Variants in COL5A2 observed in about 807,000 individuals in gnomAD.
COL5A2 encodes collagen type V alpha 2 chain, also known as collagen alpha-2(V) chain.
A neutral mutation model predicts 208.2 loss-of-function variants in COL5A2; 23 were observed. The observed-to-expected ratio is 0.11, with a 90% CI of 0.08 to 0.16. COL5A2 has a LOEUF of 0.16. COL5A2 is among the 10% of genes least tolerant of loss of function. The probability of loss-of-function intolerance (pLI) is 1.00; values close to 1 mark genes in which losing one functional copy is unlikely to be tolerated. For synonymous variants in COL5A2, 625 were observed against 628.5 expected (o/e 0.99, Z 0.08); for missense variants, 1,590 against 1,956.4 (o/e 0.81, Z 3.53).
At chr2:189,436,977 T>G in the COL5A2 span, among the ~76,000 whole-genome samples, 2 of 151,878 alleles carry the variant, frequency 1.3e-5, no homozygotes, top group African/African-American at 4.8e-5. Context: ...ATAACAAACC[T>G]GCACATCCTG....
the COL5A2 span, among the ~76,000 whole-genome samples, chr2:189,304,313 G>T: frequency 6.6e-6 from 1 of 152,056 alleles, no homozygotes; most frequent in Non-Finnish European, 1.5e-5. Flanking sequence ...GCTAAGATTA[G>T]CAGCACAATA....
chr2:189,070,087 T>C (rs1032381726), intron 18 of COL5A2, among the ~76,000 whole-genome samples: 4 of 152,204 alleles, frequency 2.6e-5, no homozygotes, highest in Non-Finnish European at 5.9e-5. Flanking sequence ...AAATGCCTAG[T>C]TGAGTTTTCA....
intron 1 of COL5A2, among the ~76,000 whole-genome samples, chr2:189,127,929 C>T (rs1289123642): frequency 1.3e-5 from 2 of 151,946 alleles, no homozygotes; most frequent in African/African-American, 4.8e-5. Context: ...CACAAAACGC[C>T]CTGAGGTCAA....
At chr2:189,041,793 T>C in intron 49 of COL5A2, 100 bp from the exon 50 acceptor site, 1 of 734,294 alleles carries the variant, frequency 1.4e-6, no homozygotes, top group East Asian at 2.6e-5. Flanking sequence ...GCTGTAACAG[T>C]GATTTCTAAG....
the COL5A2 span, among the ~76,000 whole-genome samples, chr2:189,271,942 A>C: frequency 2.2e-4 from 34 of 152,362 alleles, no homozygotes; most frequent in African/African-American, 7.2e-4. Flanking sequence ...GAGAAACGCA[A>C]ATCAAAACCA....
At chr2:189,365,417 T>C in the COL5A2 span, among the ~76,000 whole-genome samples, 1 of 152,336 alleles carries the variant, frequency 6.6e-6, no homozygotes, top group East Asian at 1.9e-4. Flanking sequence ...ACCTGGATTG[T>C]CTTCCTAAAT....
intron 1 of COL5A2, among the ~76,000 whole-genome samples, chr2:189,222,167 A>G (rs761722688): frequency 3.3e-5 from 5 of 152,184 alleles, no homozygotes; most frequent in Admixed American, 3.3e-4. Context: ...TTAGTAGGGT[A>G]AATTAGTCTA....
the COL5A2 span, among the ~76,000 whole-genome samples, chr2:189,397,646 C>T: frequency 6.6e-6 from 1 of 151,908 alleles, no homozygotes; most frequent in Non-Finnish European, 1.5e-5. Flanking sequence ...TCTGTACAAT[C>T]TGTGATGATG....
In COL5A2 at chr2:189,081,051, G is replaced by A. The variant is rs772261369; in HGVS notation, c.853-8C>T. Reference sequence around the variant, plus strand: ...AGGAAATCCACGAGCTCCCTGGGAGGAAAACATAGATAGGGCATTTTACAG... The same window carrying A: ...AGGAAATCCACGAGCTCCCTGGGAGAAAAACATAGATAGGGCATTTTACAG... On this transcript the variant is annotated splice_region_variant and splice_polypyrimidine_tract_variant and intron_variant, in intron 12 of 53. Coordinates refer to ENST00000374866, the MANE Select transcript of COL5A2 (RefSeq NM_000393.5). The A allele has an allele frequency of 4.3e-6, 7 of 1,612,230 alleles. No homozygotes were observed. In the Admixed American group the frequency reaches 1.0e-4, roughly 23 times the overall value.
the COL5A2 span, among the ~76,000 whole-genome samples, chr2:189,329,174 C>T: frequency 6.6e-6 from 1 of 152,104 alleles, no homozygotes; most frequent in Non-Finnish European, 1.5e-5. Context: ...TCATTTACAA[C>T]AACATGCATG....
intron 1 of COL5A2, among the ~76,000 whole-genome samples, chr2:189,220,802 C>T (rs748789550): frequency 2.0e-5 from 3 of 152,158 alleles, no homozygotes; most frequent in Admixed American, 6.5e-5. Context: ...GTGGCAAGAT[C>T]ATGAGCATGA....
intron 1 of COL5A2, among the ~76,000 whole-genome samples, chr2:189,206,147 G>C (rs1228358054): frequency 1.3e-5 from 2 of 152,204 alleles, no homozygotes; most frequent in Admixed American, 1.3e-4. Context: ...CCATAGAAAG[G>C]ATGTGTAGTT....
the COL5A2 span, among the ~76,000 whole-genome samples, chr2:189,328,545 T>C: frequency 6.6e-6 from 1 of 152,200 alleles, no homozygotes; most frequent in Non-Finnish European, 1.5e-5. Flanking sequence ...TCCCCTTCCA[T>C]GTGTAAATAG....
chr2:189,086,387 T>C (rs1686663091), intron 9 of COL5A2, among the ~76,000 whole-genome samples: 1 of 152,196 alleles, frequency 6.6e-6, no homozygotes, highest in South Asian at 2.1e-4. Flanking sequence ...TCCTATGATC[T>C]GATTTCATAG....
the COL5A2 span, among the ~76,000 whole-genome samples, chr2:189,370,709 C>T: frequency 3.3e-5 from 5 of 152,148 alleles, no homozygotes; most frequent in Non-Finnish European, 7.4e-5. Flanking sequence ...TACTCACATA[C>T]ATAATTTCAT....
intron 1 of COL5A2, among the ~76,000 whole-genome samples, chr2:189,211,498 G>A (rs542022017): frequency 6.6e-6 from 1 of 152,188 alleles, no homozygotes; most frequent in East Asian, 1.9e-4. Flanking sequence ...AAGAGTTAAA[G>A]TTTATATATT....
chr2:189,159,794 C>G (rs558345737), intron 1 of COL5A2, among the ~76,000 whole-genome samples: 2 of 152,008 alleles, frequency 1.3e-5, no homozygotes, highest in Non-Finnish European at 2.9e-5. Flanking sequence ...GGCTGAGGTA[C>G]GAGAATCACT....
chr2:189,053,603 A>G (rs180815860), intron 37 of COL5A2, 126 bp from the exon 38 acceptor site: 1 of 917,034 alleles, frequency 1.1e-6, no homozygotes, highest in African/African-American at 1.7e-5. Context: ...CATATTGCTT[A>G]AGGAAGGTCC....
chr2:189,275,592 T>C, the COL5A2 span, among the ~76,000 whole-genome samples: 2 of 152,014 alleles, frequency 1.3e-5, no homozygotes, highest in African/African-American at 4.8e-5. Context: ...CAGCTGGGAT[T>C]ACAGGCACGC....
Sources: gnomAD v4.1 joint callset for allele counts (sites outside exome capture counted in the v4.1 genomes callset) on GRCh38, gnomAD v4.1.1 for gene constraint, MANE v1.5 for transcripts, NCBI Gene and HGNC (gene_info 2026-07-23, HGNC 2026-07-21) for gene names.